Variants in EIF2AK1 observed in about 807,000 individuals in gnomAD.
EIF2AK1 encodes eukaryotic translation initiation factor 2 alpha kinase 1.
In EIF2AK1, 54 loss-of-function variants were observed where a neutral mutation model predicts 77.9. That is an observed-to-expected ratio of 0.69 (90% CI 0.56 to 0.87). The LOEUF (loss-of-function observed/expected upper bound fraction) is 0.87, where lower values mean the gene tolerates loss of function less well. Among genes scored for constraint, EIF2AK1 ranks in the 40% least tolerant of loss-of-function variants. The probability of loss-of-function intolerance (pLI) is 0.00; values close to 1 mark genes in which losing one functional copy is unlikely to be tolerated. For synonymous variants in EIF2AK1, 314 were observed against 290.5 expected, an observed-to-expected ratio of 1.08 and a Z score of -0.82; for missense variants, 810 against 768.6, an observed-to-expected ratio of 1.05 and a Z score of -0.64.
At position 6,023,684 on chromosome 7, in the gene EIF2AK1, TTAAGTGAATTGCCG is replaced by T. The variant is rs750210959; in HGVS notation, c.*975_*988del. ...CCTTTTAACACGGCCCTCAAGCTCC[TTAAGTGAATTGCCG>T]TAACTGATTTTAAAGGGTTTAGATT... On this transcript the variant is annotated 3_prime_UTR_variant, in exon 15 of 15. Transcript: ENST00000199389. 37 of 1,614,058 alleles carry T rather than the reference TTAAGTGAATTGCCG, an allele frequency of 2.3e-5. No individual in the cohort carries two copies. Among genetic ancestry groups the T allele is most frequent in the Admixed American group, 6.7e-5 (4 of 59,982 alleles).
rs778104106 is a variant in EIF2AK1, at chr7:6,054,653, G to A, written c.170C>T (p.Pro57Leu). The A allele has an allele frequency of 5.0e-6, 8 of 1,614,154 alleles. No individual in the cohort carries two copies. Among genetic ancestry groups the A allele is most frequent in the Non-Finnish European group, 6.8e-6 (8 of 1,180,022 alleles). The change falls in exon 2 of 15, where the codon CCA becomes CTA. Residue 57 changes from proline to leucine, a missense_variant. Pro to Leu is a moderately conservative substitution (Grantham distance 98). Transcript: ENST00000199389. ...IQVLKEPLQQPTFPFAVANQL... is the reference protein window; with the variant it reads ...IQVLKEPLQQLTFPFAVANQL... The stretch of plus-strand genomic sequence containing the variant: ...GTTTGCAACTGCAAAAGGGAAGGTT[G>A]GCTGTTGTAGGGGTTCTTTTAACAC...
Position 6,047,067 on chromosome 7 carries a change from T to G in EIF2AK1, c.474A>C (p.Ala158=), listed in dbSNP as rs1311753594. 1 of 1,613,916 alleles carries G rather than the reference T, an allele frequency of 6.2e-7. No homozygotes were observed. The highest frequency in any genetic ancestry group is 8.5e-7 in the Non-Finnish European group (1 of 1,179,964). ...KIRSREVALE[A]QTSRYLNEFE... is the part of the protein sequence containing the mutation. The stretch of plus-strand genomic sequence containing the variant: ...ATTCATTTAAGTAACGTGAAGTTTG[T>G]GCTTCCAAGGCTACTTCCCTTGATC... The change falls in exon 5 of 15, where the codon GCA becomes GCC. Residue 158 remains alanine (A), a synonymous_variant. Coordinates refer to ENST00000199389, the MANE Select transcript of EIF2AK1 (RefSeq NM_014413.4).
rs755792627 is a variant in EIF2AK1, at chr7:6,023,714, G to A, written c.*959C>T. 2.5e-6 allele frequency: 4 copies of A among 1,614,054 alleles called. No homozygotes were observed. In the East Asian group the frequency reaches 8.9e-5, roughly 36 times the overall value. ...TGAATTGCCGTAACTGATTTTAAAG[G>A]GTTTAGATTTTAAGAATGGTGCTCT... is the stretch of plus-strand genomic sequence containing the variant. On this transcript the variant is annotated 3_prime_UTR_variant, in exon 15 of 15. Transcript: ENST00000199389.
At chr7:6,053,899 T>C (rs1404144792) in intron 2 of EIF2AK1, among the ~76,000 whole-genome samples, 2 of 149,464 alleles carry the variant, frequency 1.3e-5, no homozygotes, top group African/African-American at 4.9e-5. Flanking sequence ...CTCAAACTCC[T>C]GACCTCAAGT....
At chr7:6,029,265 T>C (rs1787832403) in intron 11 of EIF2AK1, among the ~76,000 whole-genome samples, 1 of 152,098 alleles carries the variant, frequency 6.6e-6, no homozygotes, top group Non-Finnish European at 1.5e-5. Flanking sequence ...TTTGGGAGAC[T>C]GAGGCAGGCG....
intron 9 of EIF2AK1, 78 bp downstream of exon 9, chr7:6,040,814 G>A (rs1315061184): frequency 3.3e-6 from 4 of 1,201,120 alleles, no homozygotes; most frequent in Non-Finnish European, 4.8e-6. Context: ...CCAGAGCTGA[G>A]AGAGGGCGAG....
intron 2 of EIF2AK1, among the ~76,000 whole-genome samples, chr7:6,051,018 C>G (rs1262938218): frequency 6.6e-6 from 1 of 152,182 alleles, no homozygotes; most frequent in Non-Finnish European, 1.5e-5. Flanking sequence ...ACTCTTCTGA[C>G]ATTCCACACA....
At chr7:6,056,548 C>T (rs923029141) in intron 1 of EIF2AK1, among the ~76,000 whole-genome samples, 3 of 141,922 alleles carry the variant, frequency 2.1e-5, no homozygotes, top group Non-Finnish European at 4.5e-5. Context: ...GAGCCGAGAT[C>T]GCGCGACTGC....
At position 6,058,990 on chromosome 7, in the gene EIF2AK1, C is replaced by A; in HGVS notation, c.94G>T (p.Glu32Ter). ...CCGTCATATTCGGGGTCCGGGCCCT[C>A]GGCGGGAAAGTCGATGGCCGGCGGC... ...AAPPAIDFPA[E>*]GPDPEYDESD... Residue 32 changes from glutamate (E) to a stop codon, truncating the protein, a stop_gained, in exon 1 of 15, where the codon GAG (glutamate) becomes TAG (stop). Coordinates refer to ENST00000199389, the MANE Select transcript of EIF2AK1 (RefSeq NM_014413.4). LOFTEE classifies it high-confidence loss of function. 1 of 1,540,668 alleles carries A rather than the reference C, an allele frequency of 6.5e-7. No individual in the cohort carries two copies. The highest frequency in any genetic ancestry group is 1.2e-5 in the South Asian group (1 of 82,518).
chr7:6,032,839 C>T lies in EIF2AK1; in HGVS notation c.1333-3807G>A, dbSNP rs1787955677. On this transcript the variant is annotated intron_variant, in intron 11 of 14. Transcript: ENST00000199389. This position sits in a 1 kb window ranked among gnomAD's most constrained non-coding sequence, Gnocchi z 4.3. ...AATGTGTTTTGTTTTCCCTCCAAAG[C>T]CGACAGAGTCTATCATCCCCATCCA... 3 of 1,550,636 alleles carry T rather than the reference C, an allele frequency of 1.9e-6. No homozygotes were observed. Among genetic ancestry groups the T allele is most frequent in the Non-Finnish European group, 1.7e-6 (2 of 1,146,724 alleles).
rs1486851282 is a variant in EIF2AK1, at chr7:6,032,863, C to G, written c.1333-3831G>C. ...GCCGACAGAGTCTATCATCCCCATCCATCTGGCTGCCAAGTACCACAAGGC... is the reference window on the plus strand; with the variant it reads ...GCCGACAGAGTCTATCATCCCCATCGATCTGGCTGCCAAGTACCACAAGGC... On this transcript the variant is annotated intron_variant, in intron 11 of 14. Coordinates refer to ENST00000199389, the MANE Select transcript of EIF2AK1 (RefSeq NM_014413.4). This position sits in a 1 kb window ranked among gnomAD's most constrained non-coding sequence, Gnocchi z 4.3. 6.4e-7 allele frequency: 1 copy of G among 1,551,040 alleles called. No homozygotes were observed. The highest frequency in any genetic ancestry group is 2.0e-5 in the Admixed American group (1 of 51,002).
At position 6,041,223 on chromosome 7, in the gene EIF2AK1, A is replaced by G. The variant is rs776626716; in HGVS notation, c.792-4T>C. 2 of 52,102 alleles carry G rather than the reference A, an allele frequency of 3.8e-5. No individual in the cohort carries two copies. The highest frequency in any genetic ancestry group is 3.8e-4 in the South Asian group (1 of 2,652). The allele number at this position is 52,102 out of a possible 1,614,324, so 3.2% of individuals were successfully genotyped here. ...ATTTTTAACACCACATTGCTCTCTG[A>G]AAAAAAAAAAAATAGTAAACATAAA... On this transcript the variant is annotated splice_region_variant and splice_polypyrimidine_tract_variant and intron_variant, in intron 8 of 14. Coordinates refer to ENST00000199389, the MANE Select transcript of EIF2AK1 (RefSeq NM_014413.4).
intron 1 of EIF2AK1, chr7:6,058,368 G>C (rs1788853525): frequency 3.1e-6 from 1 of 322,950 alleles, no homozygotes. Flanking sequence ...AATGAGCTAT[G>C]ATTGTGCCAC....
rs1583476115 is a variant in EIF2AK1 at position 6,029,023 on chromosome 7, T to C, written c.1342A>G (p.Ile448Val). ...TGCTGATCAGGGCCATGAAGAAAAA[T>C]ATTTCTTGGCTATCAACAAACAAAA... ...IVHRDLKPRN[I>V]FLHGPDQQVK... Residue 448 changes from isoleucine (I) to valine (V), a missense_variant, in exon 12 of 15, where the codon ATT (isoleucine) becomes GTT (valine). Ile to Val is a conservative substitution (Grantham distance 29, BLOSUM62 3). Around this residue, in one of 3 missense-constraint regions of EIF2AK1, gnomAD observed 549 missense variants for 533.7 expected, o/e 1.03. Coordinates refer to ENST00000199389, the MANE Select transcript of EIF2AK1 (RefSeq NM_014413.4). 1 of 1,609,880 alleles carries C rather than the reference T, an allele frequency of 6.2e-7. No homozygotes were observed. The highest frequency in any genetic ancestry group is 8.5e-7 in the Non-Finnish European group (1 of 1,178,954).
At position 6,055,151 on chromosome 7, in the gene EIF2AK1, T is replaced by G. The variant is rs531296837; in HGVS notation, c.119-447A>C. On this transcript the variant is annotated intron_variant, in intron 1 of 14. Coordinates refer to ENST00000199389, the MANE Select transcript of EIF2AK1 (RefSeq NM_014413.4). ...TGAGGTCAGGAGTTTGAGACCAGCC[T>G]GACCAACATGGAGCAACACCATCTC... is the stretch of plus-strand genomic sequence containing the variant. Among the ~76,000 whole-genome samples the G allele has an allele frequency of 3.0e-4, 45 of 152,018 alleles. 1 individual carries two copies. The highest frequency in any genetic ancestry group is 1.0e-3 in the African/African-American group (43 of 41,454).
At chr7:6,054,336 TG>T (rs1288886283) in intron 2 of EIF2AK1, among the ~76,000 whole-genome samples, 1 of 152,140 alleles carries the variant, frequency 6.6e-6, no homozygotes, top group African/African-American at 2.4e-5. Context: ...CCCGAGTAGC[TG>T]GGGTTACAGG....
At chr7:6,037,596 T>A (rs1027333056) in intron 10 of EIF2AK1, 72 bp from the exon 11 acceptor site, 1 of 875,844 alleles carries the variant, frequency 1.1e-6, no homozygotes, top group Non-Finnish European at 1.9e-6. Context: ...AATATTAATG[T>A]CATTCTAAAT....
chr7:6,050,098 A>C, intron 2 of EIF2AK1, 53 bp from the exon 3 acceptor site: 1 of 1,464,870 alleles, frequency 6.8e-7, no homozygotes, highest in Non-Finnish European at 9.4e-7. Context: ...ATAAAATGGC[A>C]ATTTTAAAGT....
intron 2 of EIF2AK1, among the ~76,000 whole-genome samples, chr7:6,051,688 A>G (rs553488437): frequency 9.9e-5 from 15 of 151,976 alleles, no homozygotes; most frequent in African/African-American, 3.1e-4. Flanking sequence ...TCAGCCTCCC[A>G]AAGTGCTAGG....
Sources: gnomAD v4.1 joint callset for allele counts (sites outside exome capture counted in the v4.1 genomes callset) on GRCh38, gnomAD v4.1.1 for gene constraint, gnomAD v4.1.1 regional missense constraint, Gnocchi (gnomAD v3.1) non-coding constraint, MANE v1.5 for transcripts, NCBI Gene and HGNC (gene_info 2026-07-23, HGNC 2026-07-21) for gene names.